The following COXFA4L2 variants were observed in gnomAD, a reference collection of about 807,000 sequenced individuals.
COXFA4L2 encodes the protein NADH dehydrogenase (ubiquinone) 1 alpha subcomplex, 4-like 2.
chr12:57,236,710 G>A, the COXFA4L2 span: 2 of 1,530,320 alleles, frequency 1.3e-6, no homozygotes, highest in African/African-American at 1.4e-5. Context: ...GCACTTTTGG[G>A]GTCAGCCCTC....
the COXFA4L2 span, among the ~76,000 whole-genome samples, chr12:57,239,029 C>T: frequency 3.3e-5 from 5 of 152,240 alleles, no homozygotes; most frequent in African/African-American, 4.8e-5. The surrounding 1 kb of genome is among the most constrained non-coding windows in gnomAD (Gnocchi z 5.5). Flanking sequence ...AGGACTCAGG[C>T]CACGCTGGCC....
At chr12:57,238,838 C>T in the COXFA4L2 span, among the ~76,000 whole-genome samples, 6 of 152,242 alleles carry the variant, frequency 3.9e-5, no homozygotes, top group African/African-American at 1.4e-4. This position sits in a 1 kb window ranked among gnomAD's most constrained non-coding sequence, Gnocchi z 6.8. Flanking sequence ...TCCGCTCCGC[C>T]TCTCCGCCAC....
chr12:57,240,750 T>G, the COXFA4L2 span: 1 of 985,388 alleles, frequency 1.0e-6, no homozygotes, highest in African/African-American at 1.7e-5. Flanking sequence ...TACACAGACC[T>G]GCAGGCGGAG....
the COXFA4L2 span, chr12:57,236,795 C>T: frequency 1.0e-6 from 1 of 997,428 alleles, no homozygotes; most frequent in South Asian, 1.6e-5. Flanking sequence ...GTGCTCCCTC[C>T]CTGGAATCTC....
At chr12:57,237,067 C>A in the COXFA4L2 span, 4 of 1,614,090 alleles carry the variant, frequency 2.5e-6, no homozygotes, top group East Asian at 8.9e-5. Context: ...AAGCGGGCCC[C>A]AAGACTGGCT....
At chr12:57,236,901 C>G in the COXFA4L2 span, 1 of 1,333,746 alleles carries the variant, frequency 7.5e-7, no homozygotes, top group Non-Finnish European at 1.1e-6. Context: ...CGGAGAGAGA[C>G]TGGGGCAACC....
At chr12:57,240,740 T>C in the COXFA4L2 span, 3 of 984,722 alleles carry the variant, frequency 3.0e-6, no homozygotes, top group African/African-American at 1.8e-5. Context: ...TTTTCACACA[T>C]ACACAGACCT....
At chr12:57,236,612 G>C in the COXFA4L2 span, 1 of 1,584,426 alleles carries the variant, frequency 6.3e-7, no homozygotes, top group Non-Finnish European at 8.6e-7. Flanking sequence ...GGGCTGCGAA[G>C]GGCGAGTCGC....
At chr12:57,236,931 G>T in the COXFA4L2 span, 10 of 1,504,578 alleles carry the variant, frequency 6.6e-6, no homozygotes, top group African/African-American at 1.4e-4. Flanking sequence ...GAATAGGAGC[G>T]CTGAGGGACC....
the COXFA4L2 span, chr12:57,235,644 G>C: frequency 1.2e-6 from 2 of 1,613,798 alleles, no homozygotes; most frequent in Admixed American, 1.7e-5. Context: ...AAAGGGGGTT[G>C]CGCTGAGTAC....
At chr12:57,236,489 CGAAGGTGCATGCAGCAGGGCACGGG>C in the COXFA4L2 span, 4 of 970,520 alleles carry the variant, frequency 4.1e-6, no homozygotes, top group Non-Finnish European at 6.0e-6. Context: ...TCGGTACAGT[CGAAGGTGCATGCAGCAGGGCACGGG>C]ATCCCCACTA....
chr12:57,236,445 A>C, the COXFA4L2 span: 1 of 626,926 alleles, frequency 1.6e-6, no homozygotes. Flanking sequence ...GGGGTCTCCC[A>C]GGTCAGCAGT....
At chr12:57,237,037 G>GTCTT in the COXFA4L2 span, 3 of 1,614,102 alleles carry the variant, frequency 1.9e-6, no homozygotes, top group Non-Finnish European at 2.5e-6. Context: ...ACCCCCGGAT[G>GTCTT]TCTTTTGATC....
At chr12:57,235,439 G>T in the COXFA4L2 span, 2 of 1,074,546 alleles carry the variant, frequency 1.9e-6, no homozygotes, top group South Asian at 1.3e-5. Flanking sequence ...GTGGGAACCC[G>T]GCCTGTGTAA....
the COXFA4L2 span, chr12:57,235,893 C>G: frequency 7.6e-7 from 1 of 1,311,348 alleles, no homozygotes; most frequent in East Asian, 2.6e-5. Context: ...AAGCTCCACC[C>G]GGAGGCTCTG....
the COXFA4L2 span, chr12:57,239,627 C>T: frequency 1.3e-5 from 2 of 153,202 alleles, no homozygotes; most frequent in Non-Finnish European, 2.9e-5. This position sits in a 1 kb window ranked among gnomAD's most constrained non-coding sequence, Gnocchi z 5.5. Flanking sequence ...CTCTGGCTGC[C>T]CTTCTTTCTG....
the COXFA4L2 span, chr12:57,237,114 C>T: frequency 6.2e-7 from 1 of 1,614,228 alleles, no homozygotes; most frequent in Non-Finnish European, 8.5e-7. Context: ...TGGTCCTCTG[C>T]AGTGGCTCTG....
chr12:57,235,580 C>T, the COXFA4L2 span: 2 of 1,613,996 alleles, frequency 1.2e-6, no homozygotes, highest in South Asian at 1.1e-5. Context: ...TCTGGCCGGT[C>T]CTTCTTCAGC....
chr12:57,237,201 GC>G, the COXFA4L2 span: 1 of 1,586,140 alleles, frequency 6.3e-7, no homozygotes, highest in Non-Finnish European at 8.6e-7. Flanking sequence ...GCTTGGCCCA[GC>G]CCGTGCTTCT....
Sources: allele counts gnomAD v4.1 joint callset (sites outside exome capture counted in the v4.1 genomes callset), GRCh38; gene constraint gnomAD v4.1.1; non-coding constraint Gnocchi (gnomAD v3.1); transcripts MANE v1.5; gene names NCBI Gene and HGNC (gene_info 2026-07-23, HGNC 2026-07-21).